The following MAP7D2 variants were observed in gnomAD, a reference collection of about 807,000 sequenced individuals.
The protein encoded by MAP7D2 is MAP7 domain-containing protein 2.
MAP7D2 carries 33 observed loss-of-function variants against 63.5 expected under a neutral mutation model. The ratio of observed to expected loss-of-function variants is 0.52; its 90% CI spans 0.39 to 0.70. MAP7D2 has a LOEUF of 0.70. Ranked by LOEUF, MAP7D2 falls within the 30% of genes least tolerant of loss-of-function variation. MAP7D2 has a pLI of 0.00. For missense variants in MAP7D2, 626 were observed against 604.0 expected, an observed-to-expected ratio of 1.04 and a Z score of -0.38; for synonymous variants, 224 against 223.7, an observed-to-expected ratio of 1.00 and a Z score of -0.01.
intron 1 of MAP7D2, among the ~76,000 whole-genome samples, chrX:20,073,367 T>C (rs942619407): frequency 9.0e-6 from 1 of 111,116 alleles, no homozygotes; most frequent in East Asian, 2.8e-4. Flanking sequence ...GAAAAATGAG[T>C]GTTTATTTTT....
At chrX:20,085,006 C>T (rs1439689188) in intron 1 of MAP7D2, among the ~76,000 whole-genome samples, 1 of 111,837 alleles carries the variant, frequency 8.9e-6, no homozygotes, top group Admixed American at 9.5e-5. Context: ...GAGGCAAACA[C>T]ATTGAGCTGC....
intron 1 of MAP7D2, among the ~76,000 whole-genome samples, chrX:20,093,611 C>T (rs755604907): frequency 8.1e-5 from 9 of 110,586 alleles, no homozygotes; most frequent in African/African-American, 2.6e-4. Context: ...GAGCCATGAT[C>T]GCGCCACTGC....
chrX:20,044,526 T>G lies in MAP7D2; in HGVS notation c.719-2A>C. The G allele has an allele frequency of 8.3e-7, 1 of 1,208,196 alleles. No homozygotes were observed. Among genetic ancestry groups the G allele is most frequent in the Non-Finnish European group, 1.1e-6 (1 of 892,372 alleles). On this transcript the variant is annotated splice_acceptor_variant, in intron 6 of 16. Transcript: ENST00000379643. LOFTEE classifies it high-confidence loss of function. ...CTAAACGAGGACAGACATGGAATAC[T>G]AGAAAGTTACAGTATAACAGCCAGA...
chrX:20,073,644 CTCAG>C (rs2065565938), intron 1 of MAP7D2, among the ~76,000 whole-genome samples: 1 of 106,884 alleles, frequency 9.4e-6, no homozygotes. Context: ...ATTCTCCTGC[CTCAG>C]CCTCCTGAGT....
intron 1 of MAP7D2, among the ~76,000 whole-genome samples, chrX:20,086,065 A>G (rs1892370144): frequency 8.9e-6 from 1 of 112,438 alleles, no homozygotes; most frequent in Non-Finnish European, 1.9e-5. Context: ...ATTTCATCCA[A>G]TTCACCCAAA....
At chrX:20,013,249 T>C (rs1011696601) in intron 13 of MAP7D2, 117 bp from the exon 14 acceptor site, 5 of 536,679 alleles carry the variant, frequency 9.3e-6, no homozygotes, top group African/African-American at 2.3e-5. Flanking sequence ...TGTTCTGTGG[T>C]AATTCTTTAA....
rs768410834 is a variant in MAP7D2, at chrX:20,010,940, C to A, written c.2185G>T (p.Asp729Tyr). 7.4e-6 allele frequency: 9 copies of A among 1,211,129 alleles called. No individual in the cohort carries two copies. In the Admixed American group the frequency reaches 1.7e-4, roughly 23 times the overall value. ...NGTGNARALQ[D>Y]LLDFTGPPTF... The stretch of plus-strand genomic sequence containing the variant: ...GGGGGACCAGTGAAATCTAAGAGAT[C>A]TTGAAGTGCTCGGGCATTACCAGTT... Residue 729 changes from aspartate to tyrosine, a missense_variant, in exon 16 of 17, where the codon GAT (aspartate) becomes TAT (tyrosine). Transcript: ENST00000379643.
chrX:20,053,011 C>T (rs2064989918), intron 4 of MAP7D2, 23 bp from the exon 5 acceptor site: 1 of 1,069,738 alleles, frequency 9.3e-7, no homozygotes, highest in East Asian at 3.0e-5. Context: ...GCATTAAAGA[C>T]ATTGGTATTC....
At chrX:20,113,936 AT>A (rs1007580667) in intron 1 of MAP7D2, among the ~76,000 whole-genome samples, 16 of 111,320 alleles carry the variant, frequency 1.4e-4, no homozygotes, top group African/African-American at 5.2e-4. Context: ...AATTCATTCT[AT>A]TTTTTTATAC....
At chrX:20,036,195 T>C (rs1157814539) in intron 8 of MAP7D2, among the ~76,000 whole-genome samples, 3 of 110,314 alleles carry the variant, frequency 2.7e-5, no homozygotes, top group Non-Finnish European at 5.7e-5. Context: ...CTATGCTTAT[T>C]ACCTGGGTGG....
chrX:20,085,420 T>G (rs2065886972), intron 1 of MAP7D2, among the ~76,000 whole-genome samples: 1 of 112,310 alleles, frequency 8.9e-6, no homozygotes, highest in South Asian at 3.7e-4. Flanking sequence ...GTTTTTACCA[T>G]AAAGAATCAG....
At chrX:20,112,955 A>C (rs1206161135) in intron 1 of MAP7D2, among the ~76,000 whole-genome samples, 1 of 112,261 alleles carries the variant, frequency 8.9e-6, no homozygotes, top group African/African-American at 3.2e-5. Flanking sequence ...GCCACTGCAG[A>C]AGATGGGGCA....
At chrX:20,079,701 G>A (rs940894930) in intron 1 of MAP7D2, among the ~76,000 whole-genome samples, 10 of 111,868 alleles carry the variant, frequency 8.9e-5, no homozygotes, top group African/African-American at 3.2e-4. Flanking sequence ...CCAAGGTTAT[G>A]GGGTAGAGGC....
rs760944176 is a variant in MAP7D2, at chrX:20,052,831, C to A, written c.595+47G>T. 17 of 991,452 alleles carry A rather than the reference C, an allele frequency of 1.7e-5. No homozygotes were observed. The South Asian group carries it at 3.1e-4, about 18-fold the overall frequency. 81.7% of individuals were successfully genotyped at this position (991,452 alleles called of 1,213,427 possible). A position where few individuals can be genotyped will look rare whatever the true frequency, so the allele number is the denominator to read the frequency against. Reference sequence around the variant, plus strand: ...AAAGACAAACGTTAAGATGCTCACACCAGAAAAGAAACAAACTAGAGAGAC... The same window carrying A: ...AAAGACAAACGTTAAGATGCTCACAACAGAAAAGAAACAAACTAGAGAGAC... On this transcript the variant is annotated intron_variant, in intron 5 of 16. Transcript: ENST00000379643.
At chrX:20,046,120 G>T (rs1187814360) in intron 6 of MAP7D2, among the ~76,000 whole-genome samples, 1 of 112,209 alleles carries the variant, frequency 8.9e-6, no homozygotes, top group Non-Finnish European at 1.9e-5. Context: ...TTGAAAAGGG[G>T]AGATATGAAA....
intron 8 of MAP7D2, among the ~76,000 whole-genome samples, chrX:20,030,707 A>T (rs1208588336): frequency 8.9e-6 from 1 of 112,009 alleles, no homozygotes; most frequent in African/African-American, 3.3e-5. Flanking sequence ...CTTCATCAGC[A>T]CAGCTCAGCC....
At chrX:20,018,439 CCTTTT>C (rs1569514702) in intron 10 of MAP7D2, among the ~76,000 whole-genome samples, 2 of 93,658 alleles carry the variant, frequency 2.1e-5, no homozygotes, top group African/African-American at 9.5e-5. Context: ...GAAATCTTGT[CCTTTT>C]TTTTTTTTTT....
rs138108159 is a variant in MAP7D2, at chrX:20,063,480, C to T, written c.306G>A (p.Arg102=). Reference sequence around the variant, plus strand: ...CAGCTCTCTTTTGGTCCTCCCGCTGCCGCTGCTCTTCCAGTTTTCGCCATC... The same window carrying T: ...CAGCTCTCTTTTGGTCCTCCCGCTGTCGCTGCTCTTCCAGTTTTCGCCATC... ...EERWRKLEEQ[R]QREDQKRAAV... Residue 102 remains arginine (R), a synonymous_variant, in exon 3 of 17, where the codon CGG becomes CGA. Coordinates refer to ENST00000379643, the MANE Select transcript of MAP7D2 (RefSeq NM_001168465.2). 43 of 1,210,565 alleles carry T rather than the reference C, an allele frequency of 3.6e-5. No individual in the cohort carries two copies. In the African/African-American group the frequency reaches 5.2e-4, roughly 15 times the overall value.
intron 14 of MAP7D2, among the ~76,000 whole-genome samples, chrX:20,012,837 C>T (rs188112142): frequency 3.7e-4 from 42 of 112,153 alleles, no homozygotes; most frequent in African/African-American, 1.3e-3. Flanking sequence ...CAGAGTGCCT[C>T]CTATGCTGGG....
Sources: allele counts gnomAD v4.1 joint callset (sites outside exome capture counted in the v4.1 genomes callset), GRCh38; gene constraint gnomAD v4.1.1; transcripts MANE v1.5; gene names NCBI Gene and HGNC (gene_info 2026-07-23, HGNC 2026-07-21).